Variants in SPATA2 observed in about 807,000 individuals in gnomAD.
The protein encoded by SPATA2 is spermatogenesis associated 2, also known as spermatogenesis-associated protein 2.
Under a neutral mutation model 35.4 loss-of-function variants are expected in SPATA2, and 8 were observed. That is an observed-to-expected ratio of 0.23 (90% CI 0.13 to 0.41). The LOEUF is 0.41. SPATA2 is among the 10% of genes least tolerant of loss of function. SPATA2 has a pLI of 1.00. For synonymous variants in SPATA2, 293 were observed against 300.9 expected, an observed-to-expected ratio of 0.97 and a Z score of 0.27; for missense variants, 650 against 698.7, an observed-to-expected ratio of 0.93 and a Z score of 0.79.
At chr20:49,913,603 G>GA (rs1195375059) in intron 1 of SPATA2, 1 of 152,154 alleles carries the variant, frequency 6.6e-6, no homozygotes, top group Non-Finnish European at 1.5e-5. Context: ...AGCTCTACTC[G>GA]AAAGTGTTTG....
At chr20:49,914,450 T>A (rs1167986405) in intron 1 of SPATA2, among the ~76,000 whole-genome samples, 1 of 151,928 alleles carries the variant, frequency 6.6e-6, no homozygotes, top group African/African-American at 2.4e-5. Context: ...CTGGTCTAGC[T>A]CCATCAGCCT....
At chr20:49,907,487 G>A (rs1038171677) in intron 2 of SPATA2, among the ~76,000 whole-genome samples, 1 of 152,164 alleles carries the variant, frequency 6.6e-6, no homozygotes. Context: ...CAGGCAGAAC[G>A]CGGTGACAAT....
At position 49,906,772 on chromosome 20, in the gene SPATA2, C is replaced by A. The variant is rs201830184; in HGVS notation, c.410G>T (p.Cys137Phe). The A allele has an allele frequency of 4.6e-5, 74 of 1,614,202 alleles. No individual in the cohort carries two copies. The highest frequency in any genetic ancestry group is 6.1e-5 in the Non-Finnish European group (72 of 1,180,032). ...GCCCAGCTCAGGTGTGTAGCCCATG[C>A]AGCTCAGGATGGCTCGGATGTCCTC... ...LEEDIRAILSCMGYTPELGTA... is the reference protein window; with the variant it reads ...LEEDIRAILSFMGYTPELGTA... The change falls in exon 3 of 3, where the codon TGC (cysteine) becomes TTC (phenylalanine). Residue 137 changes from cysteine (C) to phenylalanine (F), a missense_variant. Cys to Phe is a radical substitution (Grantham distance 205). Coordinates refer to ENST00000289431, the MANE Select transcript of SPATA2 (RefSeq NM_006038.4). The surrounding 1 kb of genome is among the most constrained non-coding windows in gnomAD (Gnocchi z 8.2).
chr20:49,912,968 G>A (rs908375203), intron 1 of SPATA2, among the ~76,000 whole-genome samples: 5 of 151,576 alleles, frequency 3.3e-5, no homozygotes, highest in Non-Finnish European at 7.4e-5. Flanking sequence ...AATTAGGTGG[G>A]TGTGGTGACA....
rs374312717 is a variant in SPATA2, at chr20:49,906,541, C to T, written c.641G>A (p.Arg214Gln). The T allele has an allele frequency of 6.8e-6, 11 of 1,613,108 alleles. No individual in the cohort carries two copies. The highest frequency in any genetic ancestry group is 5.0e-5 in the Admixed American group (3 of 60,000). ...CGTCAGGTGCTCCCGGCCCTCTGCCCGCCGCCGCAGGGCGTCCGAGCAGCC... is the reference window on the plus strand; with the variant it reads ...CGTCAGGTGCTCCCGGCCCTCTGCCTGCCGCCGCAGGGCGTCCGAGCAGCC... ...VRGCSDALRRRAEGREHLTAS... is the reference protein window; with the variant it reads ...VRGCSDALRRQAEGREHLTAS... The change falls in exon 3 of 3, where the codon CGG (arginine) becomes CAG (glutamine). Residue 214 changes from arginine to glutamine, a missense_variant. Physicochemically the swap from Arg to Gln is conservative, Grantham distance 43. Transcript: ENST00000289431. The surrounding 1 kb of genome is among the most constrained non-coding windows in gnomAD (Gnocchi z 8.2).
rs2090121564 is a variant in SPATA2 at position 49,903,898 on chromosome 20, G to GATTATATATAT, written c.*1720_*1721insATATATATAAT. On this transcript the variant is annotated 3_prime_UTR_variant, in exon 3 of 3. Coordinates refer to ENST00000289431, the MANE Select transcript of SPATA2 (RefSeq NM_006038.4). ...CTGTACATCTACATGTGATCTACCA[G>GATTATATATAT]ATAGATATATATATATATATATATA... 1 of 86,122 alleles carries GATTATATATAT rather than the reference G, an allele frequency of 1.2e-5. No homozygotes were observed. Among genetic ancestry groups the GATTATATATAT allele is most frequent in the Non-Finnish European group, 2.3e-5 (1 of 44,314 alleles). 5.3% of individuals were successfully genotyped at this position (86,122 alleles called of 1,614,324 possible).
rs763673374 is a variant in SPATA2 at position 49,906,270 on chromosome 20, G to A, written c.912C>T (p.Ser304=). ...PSPSLLTMAS[S]PHGSPDVLPP... is the part of the protein sequence containing the mutation. ...GAAGCACATCCGGGCTGCCGTGGGG[G>A]GAGCTGGCCATGGTCAGCAGCGAAG... Residue 304 remains serine (S), a synonymous_variant, in exon 3 of 3, where the codon TCC becomes TCT. Coordinates refer to ENST00000289431, the MANE Select transcript of SPATA2 (RefSeq NM_006038.4). This position sits in a 1 kb window ranked among gnomAD's most constrained non-coding sequence, Gnocchi z 8.2. The A allele has an allele frequency of 2.5e-6, 4 of 1,571,762 alleles. No individual in the cohort carries two copies. Among genetic ancestry groups the A allele is most frequent in the South Asian group, 2.4e-5 (2 of 83,184 alleles).
At chr20:49,909,510 A>T (rs1362183766) in intron 1 of SPATA2, among the ~76,000 whole-genome samples, 2 of 151,366 alleles carry the variant, frequency 1.3e-5, no homozygotes, top group Non-Finnish European at 2.9e-5. Flanking sequence ...GCTCGAGACC[A>T]GCCTGGGAAA....
chr20:49,906,858 GA>G lies in SPATA2; in HGVS notation c.337-14del. The stretch of plus-strand genomic sequence containing the variant: ...GGCCCGTGTAGGTCTAGAAGGGAGG[GA>G]GTAGAAAAGAAAGGTGGGGTTTTCT... On this transcript the variant is annotated splice_polypyrimidine_tract_variant and intron_variant, in intron 2 of 2. Transcript: ENST00000289431. This position sits in a 1 kb window ranked among gnomAD's most constrained non-coding sequence, Gnocchi z 8.2. 1 of 1,586,006 alleles carries G rather than the reference GA, an allele frequency of 6.3e-7. No individual in the cohort carries two copies. Among genetic ancestry groups the G allele is most frequent in the Non-Finnish European group, 8.6e-7 (1 of 1,164,122 alleles).
intron 1 of SPATA2, among the ~76,000 whole-genome samples, chr20:49,909,211 T>TG (rs1474245561): frequency 6.6e-6 from 1 of 152,018 alleles, no homozygotes; most frequent in Non-Finnish European, 1.5e-5. Flanking sequence ...TTAGTCAAGA[T>TG]GGGGTTTCAC....
At chr20:49,908,637 G>A (rs1026412853) in intron 1 of SPATA2, 45 bp from the exon 2 acceptor site, 18 of 706,890 alleles carry the variant, frequency 2.5e-5, no homozygotes, top group South Asian at 3.9e-5. Flanking sequence ...CGATACGGTC[G>A]CGCTTCGGCT....
chr20:49,907,041 G>A (rs190393580), intron 2 of SPATA2, among the ~76,000 whole-genome samples, 196 bp from the exon 3 acceptor site: 136 of 152,308 alleles, frequency 8.9e-4, no homozygotes, highest in African/African-American at 3.2e-3. Flanking sequence ...CTCAGGAATT[G>A]TGCAAGGAAA....
chr20:49,905,652 C>T lies in SPATA2; in HGVS notation c.1530G>A (p.Lys510=), dbSNP rs2090136223. 2.5e-6 allele frequency: 4 copies of T among 1,614,184 alleles called. No individual in the cohort carries two copies. In the East Asian group the frequency reaches 6.7e-5, roughly 27 times the overall value. ...KFMPNNQLNY[K]STQLSHLVYR ...ACACGAGATGGGAGAGCTGGGTGGA[C>T]TTGTAGTTCAGCTGGTTGTTGGGCA... is the stretch of plus-strand genomic sequence containing the variant. Residue 510 remains lysine, a synonymous_variant, in exon 3 of 3, where the codon AAG becomes AAA. Coordinates refer to ENST00000289431, the MANE Select transcript of SPATA2 (RefSeq NM_006038.4).
At chr20:49,910,804 G>T (rs771660151) in intron 1 of SPATA2, among the ~76,000 whole-genome samples, 10 of 152,218 alleles carry the variant, frequency 6.6e-5, no homozygotes, top group Non-Finnish European at 1.2e-4. Flanking sequence ...GCGGTGAGAG[G>T]TGGGATGTGT....
chr20:49,912,970 G>A (rs922240530), intron 1 of SPATA2, among the ~76,000 whole-genome samples: 4 of 151,430 alleles, frequency 2.6e-5, no homozygotes, highest in Admixed American at 2.6e-4. Context: ...TTAGGTGGGT[G>A]TGGTGACACC....
At chr20:49,907,801 A>T (rs1231588580) in intron 2 of SPATA2, among the ~76,000 whole-genome samples, 1 of 44,272 alleles carries the variant, frequency 2.3e-5, no homozygotes, top group Non-Finnish European at 4.9e-5. Context: ...ACCTCCCCCC[A>T]CCCCTCTACA....
In SPATA2 at chr20:49,906,587, T is replaced by C. The variant is rs1406298829; in HGVS notation, c.595A>G (p.Ser199Gly). ...CAGCCGCGCACATCCTCTGCACTGCTCTTGCGCTCGCTCACAATGTCCAGC... is the reference window on the plus strand; with the variant it reads ...CAGCCGCGCACATCCTCTGCACTGCCCTTGCGCTCGCTCACAATGTCCAGC... ...SELDIVSERK[S>G]SAEDVRGCSD... is the part of the protein sequence containing the mutation. Residue 199 changes from serine (S) to glycine (G), a missense_variant, in exon 3 of 3, where the codon AGC becomes GGC. Coordinates refer to ENST00000289431, the MANE Select transcript of SPATA2 (RefSeq NM_006038.4). This position sits in a 1 kb window ranked among gnomAD's most constrained non-coding sequence, Gnocchi z 8.2. 2 of 1,614,204 alleles carry C rather than the reference T, an allele frequency of 1.2e-6. No individual in the cohort carries two copies. The highest frequency in any genetic ancestry group is 1.7e-5 in the Admixed American group (1 of 60,028).
Position 49,906,721 on chromosome 20 carries a change from A to G in SPATA2, c.461T>C (p.Val154Ala). 6.2e-7 allele frequency: 1 copy of G among 1,614,234 alleles called. No homozygotes were observed. The highest frequency in any genetic ancestry group is 8.5e-7 in the Non-Finnish European group (1 of 1,180,044). Reference protein sequence around the residue: ...LGTAYKLRELVETLQVKMVSF... With the variant: ...LGTAYKLRELAETLQVKMVSF... ...GACCATCTTCACCTGGAGGGTCTCC[A>G]CGAGCTCTCTGAGCTTGTATGCAGT... Residue 154 changes from valine to alanine, a missense_variant, in exon 3 of 3, where the codon GTG becomes GCG. Physicochemically the swap from Val to Ala is moderately conservative, Grantham distance 64. Coordinates refer to ENST00000289431, the MANE Select transcript of SPATA2 (RefSeq NM_006038.4). This position sits in a 1 kb window ranked among gnomAD's most constrained non-coding sequence, Gnocchi z 8.2.
Position 49,905,648 on chromosome 20 carries a change from T to C in SPATA2, c.1534A>G (p.Thr512Ala), listed in dbSNP as rs2090136185. The change falls in exon 3 of 3, where the codon ACC becomes GCC. Residue 512 changes from threonine to alanine, a missense_variant. Physicochemically the swap from Thr to Ala is moderately conservative, Grantham distance 58. Transcript: ENST00000289431. ...CTGTACACGAGATGGGAGAGCTGGG[T>C]GGACTTGTAGTTCAGCTGGTTGTTG... ...MPNNQLNYKS[T>A]QLSHLVYR 1 of 1,614,134 alleles carries C rather than the reference T, an allele frequency of 6.2e-7. No individual in the cohort carries two copies. Among genetic ancestry groups the C allele is most frequent in the African/African-American group, 1.3e-5 (1 of 75,040 alleles).
Sources: allele counts gnomAD v4.1 joint callset (sites outside exome capture counted in the v4.1 genomes callset), GRCh38; gene constraint gnomAD v4.1.1; non-coding constraint Gnocchi (gnomAD v3.1); transcripts MANE v1.5; gene names NCBI Gene and HGNC (gene_info 2026-07-23, HGNC 2026-07-21).